Variants in DENND3 observed in about 807,000 individuals in gnomAD.
DENND3 encodes the protein DENN domain-containing protein 3.
In DENND3, 88 loss-of-function variants were observed where a neutral mutation model predicts 135.1. The observed-to-expected ratio is 0.65, with a 90% confidence interval of 0.55 to 0.78. DENND3 has a LOEUF of 0.78. Among genes scored for constraint, DENND3 ranks in the 30% least tolerant of loss-of-function variants. The pLI is 0.00. For synonymous variants in DENND3, 693 were observed against 712.3 expected (o/e 0.97, Z 0.43); for missense variants, 1,392 against 1,688.4 (o/e 0.82, Z 3.08).
chr8:141,147,827 TG>T (rs2154612888), intron 5 of DENND3, among the ~76,000 whole-genome samples: 1 of 152,338 alleles, frequency 6.6e-6, no homozygotes, highest in East Asian at 1.9e-4. Flanking sequence ...AGCTGTGTGG[TG>T]GGCGAGCGTG....
At chr8:141,129,180 T>TG (rs1372406409) in intron 1 of DENND3, among the ~76,000 whole-genome samples, 2 of 152,172 alleles carry the variant, frequency 1.3e-5, no homozygotes, top group Non-Finnish European at 2.9e-5. Flanking sequence ...CTTCTGAAGG[T>TG]GGGGTGCACC....
intron 15 of DENND3, 143 bp downstream of exon 15, chr8:141,176,904 A>G: frequency 1.1e-6 from 1 of 873,850 alleles, no homozygotes; most frequent in Non-Finnish European, 1.8e-6. Flanking sequence ...GTCGGACACC[A>G]TCTTGACAGA....
intron 7 of DENND3, among the ~76,000 whole-genome samples, chr8:141,153,447 A>T (rs1819057104): frequency 6.6e-6 from 1 of 152,224 alleles, no homozygotes; most frequent in South Asian, 2.1e-4. Flanking sequence ...AGCGTGTGTC[A>T]TGCGCCCCTC....
At chr8:141,169,951 C>T (rs1337223750) in intron 13 of DENND3, among the ~76,000 whole-genome samples, 1 of 152,192 alleles carries the variant, frequency 6.6e-6, no homozygotes, top group Non-Finnish European at 1.5e-5. Flanking sequence ...TGGGTCAGTT[C>T]CTCTGAGATG....
At chr8:141,157,809 G>A (rs1819629030) in intron 8 of DENND3, 1 of 978,732 alleles carries the variant, frequency 1.0e-6, no homozygotes, top group African/African-American at 1.8e-5. Flanking sequence ...ACCCAGGCTG[G>A]GGTGCAGTGG....
Position 141,175,659 on chromosome 8 carries a change from T to G in DENND3, c.2535+200T>G. ...TACCTTCTCAGTGGGTGGTGGAGAT[T>G]GAATAGTTTGCATATGGAGCATGCT... is the stretch of plus-strand genomic sequence containing the variant. On this transcript the variant is annotated intron_variant, in intron 14 of 22. Coordinates refer to ENST00000519811, the MANE Select transcript of DENND3 (RefSeq NM_001352890.3). The surrounding 1 kb of genome is among the most constrained non-coding windows in gnomAD (Gnocchi z 5.4). The G allele has an allele frequency of 1.3e-6, 1 of 747,674 alleles. No individual in the cohort carries two copies. The allele number at this position is 747,674 out of a possible 1,614,324, so 46.3% of individuals were successfully genotyped here.
In DENND3 at chr8:141,195,111, A is replaced by G. The variant is rs1012405174; in HGVS notation, c.*878A>G. 6.6e-6 allele frequency: 1 copy of G among 152,272 alleles called. No homozygotes were observed. Among genetic ancestry groups the G allele is most frequent in the Admixed American group, 6.5e-5 (1 of 15,286 alleles). 9.4% of individuals were successfully genotyped at this position (152,272 alleles called of 1,614,324 possible). ...CTCAGTTCCCTGAATCCGTGTGCAC[A>G]CTGCGTATGTGTACGCGCAGCATGC... On this transcript the variant is annotated 3_prime_UTR_variant, in exon 23 of 23. Coordinates refer to ENST00000519811, the MANE Select transcript of DENND3 (RefSeq NM_001352890.3).
At position 141,188,646 on chromosome 8, in the gene DENND3, A is replaced by T; in HGVS notation, c.3085-340A>T. 2 of 226,382 alleles carry T rather than the reference A, an allele frequency of 8.8e-6. 1 individual carries two copies. The highest frequency in any genetic ancestry group is 1.9e-4 in the South Asian group (2 of 10,610). The allele number at this position is 226,382 out of a possible 1,614,324, so 14.0% of individuals were successfully genotyped here. ...GCCTCAAGCATGGAGCTCCCTAAGC[A>T]CAAGGAGGCGGTGACGTGTCTTGCA... On this transcript the variant is annotated intron_variant, in intron 18 of 22. Transcript: ENST00000519811.
At chr8:141,177,644 T>C (rs569280313) in intron 15 of DENND3, 1 of 156,646 alleles carries the variant, frequency 6.4e-6, no homozygotes, top group Non-Finnish European at 1.4e-5. Flanking sequence ...TACCCACTGG[T>C]TTACATAGCA....
rs1039704095 is a variant in DENND3 at position 141,153,088 on chromosome 8, C to A, written c.1074+1251C>A. ...TTTAACTTTCCATTTTGAACAATAT[C>A]TTTCTTTTTTTTTTTTTTTTTTTGA... On this transcript the variant is annotated intron_variant, in intron 7 of 22. Transcript: ENST00000519811. Among the ~76,000 whole-genome samples, 148 of 137,886 alleles carry A rather than the reference C, an allele frequency of 1.1e-3. 2 individuals are homozygous for A. The highest frequency in any genetic ancestry group is 4.2e-3 in the African/African-American group (148 of 35,474). The allele number at this position is 137,886 out of a possible 152,430, so 90.5% of individuals were successfully genotyped here.
Position 141,166,107 on chromosome 8 carries a change from C to A in DENND3, c.1554-83C>A. ...CAAGAGTGTCATGTGCTCTTCATCA[C>A]ACTGGGAAAAATGCTTAGTTTAGGC... On this transcript the variant is annotated intron_variant, in intron 11 of 22. Coordinates refer to ENST00000519811, the MANE Select transcript of DENND3 (RefSeq NM_001352890.3). The surrounding 1 kb of genome is among the most constrained non-coding windows in gnomAD (Gnocchi z 4.3). 2 of 1,375,200 alleles carry A rather than the reference C, an allele frequency of 1.5e-6. No homozygotes were observed. Among genetic ancestry groups the A allele is most frequent in the Non-Finnish European group, 2.0e-6 (2 of 975,912 alleles). 85.2% of individuals were successfully genotyped at this position (1,375,200 alleles called of 1,614,324 possible).
intron 7 of DENND3, 111 bp downstream of exon 7, chr8:141,151,948 C>T: frequency 7.5e-7 from 1 of 1,328,654 alleles, no homozygotes; most frequent in African/African-American, 1.4e-5. Context: ...GGTCTGTGTG[C>T]CGCAGAGAGG....
At chr8:141,181,816 G>A (rs2154613413) in intron 17 of DENND3, among the ~76,000 whole-genome samples, 1 of 151,862 alleles carries the variant, frequency 6.6e-6, no homozygotes, top group African/African-American at 2.4e-5. Flanking sequence ...CTGTTGCCCA[G>A]GCTGGAGTGT....
At chr8:141,156,160 C>T (rs538376938) in intron 8 of DENND3, among the ~76,000 whole-genome samples, 190 bp downstream of exon 8, 65 of 152,162 alleles carry the variant, frequency 4.3e-4, no homozygotes, top group Middle Eastern at 6.8e-3. Flanking sequence ...AGTGCAGTGG[C>T]GCAATCTCGG....
rs746799293 is a variant in DENND3 at position 141,166,253 on chromosome 8, C to G, written c.1617C>G (p.Ser539=). The part of the protein sequence containing the change: ...PTVEKRASRK[S]SHLHVTHRRM... ...TTGAGAAAAGAGCCTCCCGGAAGTC[C>G]TCGCACCTGCATGTCACCCACAGGC... The change falls in exon 12 of 23, where the codon TCC becomes TCG. Residue 539 remains serine (S), a synonymous_variant. Transcript: ENST00000519811. This position sits in a 1 kb window ranked among gnomAD's most constrained non-coding sequence, Gnocchi z 4.3. 6 of 1,614,050 alleles carry G rather than the reference C, an allele frequency of 3.7e-6. No individual in the cohort carries two copies. The highest frequency in any genetic ancestry group is 2.2e-5 in the East Asian group (1 of 44,902).
At chr8:141,151,376 A>G (rs549791153) in intron 6 of DENND3, among the ~76,000 whole-genome samples, 1 of 152,324 alleles carries the variant, frequency 6.6e-6, no homozygotes, top group African/African-American at 2.4e-5. Flanking sequence ...CCTGAGCAAC[A>G]TAGGGAGACC....
intron 8 of DENND3, chr8:141,158,333 A>C (rs896012717): frequency 8.0e-7 from 1 of 1,251,732 alleles, no homozygotes; most frequent in African/African-American, 1.5e-5. Flanking sequence ...GACATTCTGT[A>C]ATAGAACTGA....
intron 10 of DENND3, among the ~76,000 whole-genome samples, chr8:141,164,488 C>G (rs1820520282): frequency 6.6e-6 from 1 of 152,184 alleles, no homozygotes; most frequent in Admixed American, 6.5e-5. Context: ...ACGTACCCTG[C>G]CCCGGGTGTC....
At chr8:141,135,707 T>C (rs1356582851) in intron 1 of DENND3, among the ~76,000 whole-genome samples, 1 of 152,172 alleles carries the variant, frequency 6.6e-6, no homozygotes, top group Non-Finnish European at 1.5e-5. Context: ...AGTAGTAACA[T>C]GGAAGAGAGA....
Sources: gnomAD v4.1 joint callset for allele counts (sites outside exome capture counted in the v4.1 genomes callset) on GRCh38, gnomAD v4.1.1 for gene constraint, Gnocchi (gnomAD v3.1) non-coding constraint, MANE v1.5 for transcripts, NCBI Gene and HGNC (gene_info 2026-07-23, HGNC 2026-07-21) for gene names.